The following TENM3 variants were observed in gnomAD, a reference collection of about 807,000 sequenced individuals.
TENM3 encodes teneurin transmembrane protein 3.
A neutral mutation model predicts 255.1 loss-of-function variants in TENM3; 63 were observed. That is an observed-to-expected ratio of 0.25 (90% CI 0.20 to 0.30). The LOEUF is 0.30. Ranked by LOEUF, TENM3 falls within the 10% of genes least tolerant of loss-of-function variation. The pLI is 1.00. For missense variants in TENM3, 2,929 were observed against 3,461.1 expected (o/e 0.85, Z 3.86); for synonymous variants, 1,306 against 1,322.3 (o/e 0.99, Z 0.27).
chr4:182,495,183 C>T (rs769696353), intron 3 of TENM3, among the ~76,000 whole-genome samples: 1 of 152,138 alleles, frequency 6.6e-6, no homozygotes, highest in Non-Finnish European at 1.5e-5. Flanking sequence ...TGATGATACC[C>T]CTTAAGTGCT....
At chr4:181,673,640 G>A in the TENM3 span, among the ~76,000 whole-genome samples, 1 of 152,150 alleles carries the variant, frequency 6.6e-6, no homozygotes, top group Non-Finnish European at 1.5e-5. Context: ...GTGTTTGAAA[G>A]CAGCTTACCA....
At chr4:181,637,370 T>C in the TENM3 span, among the ~76,000 whole-genome samples, 2 of 152,130 alleles carry the variant, frequency 1.3e-5, no homozygotes, top group African/African-American at 2.4e-5. Context: ...GGCTGTGGAG[T>C]CCAGTGTGTT....
chr4:182,291,828 A>G (rs536912075), intron 1 of TENM3, among the ~76,000 whole-genome samples: 26 of 152,052 alleles, frequency 1.7e-4, no homozygotes, highest in Admixed American at 3.9e-4. Flanking sequence ...TCGCGTTCCC[A>G]TGGCATATTG....
intron 1 of TENM3, among the ~76,000 whole-genome samples, chr4:182,172,332 GA>G (rs1393971243): frequency 6.6e-6 from 1 of 152,124 alleles, no homozygotes; most frequent in Non-Finnish European, 1.5e-5. Context: ...AGTGAGATAA[GA>G]CACGTCCATT....
chr4:182,585,061 A>G (rs1745882399), intron 3 of TENM3, among the ~76,000 whole-genome samples: 1 of 152,246 alleles, frequency 6.6e-6, no homozygotes, highest in South Asian at 2.1e-4. Context: ...TAAAAGAAAT[A>G]CGGCAAAAAC....
chr4:181,967,678 T>A, the TENM3 span, among the ~76,000 whole-genome samples: 6 of 152,062 alleles, frequency 3.9e-5, no homozygotes, highest in Non-Finnish European at 8.8e-5. Flanking sequence ...AGGGCCATTT[T>A]CAAATCTCTA....
chr4:182,550,425 A>G (rs748677945), intron 3 of TENM3, among the ~76,000 whole-genome samples: 8 of 152,186 alleles, frequency 5.3e-5, no homozygotes, highest in Non-Finnish European at 8.8e-5. Context: ...CAGATCCTGA[A>G]GTCACTCCTG....
At chr4:182,502,203 A>G (rs1295982137) in intron 3 of TENM3, among the ~76,000 whole-genome samples, 1 of 151,850 alleles carries the variant, frequency 6.6e-6, no homozygotes, top group African/African-American at 2.4e-5. Flanking sequence ...AAACCCTACC[A>G]CCCTGCACCT....
the TENM3 span, among the ~76,000 whole-genome samples, chr4:181,656,348 A>G: frequency 7.2e-5 from 11 of 152,334 alleles, no homozygotes; most frequent in Admixed American, 2.6e-4. Context: ...TGAAATAACT[A>G]CATAGATTTA....
intron 1 of TENM3, among the ~76,000 whole-genome samples, chr4:182,300,655 G>T (rs1436583238): frequency 6.6e-6 from 1 of 152,152 alleles, no homozygotes; most frequent in Non-Finnish European, 1.5e-5. Flanking sequence ...AATGAGACTT[G>T]ATATTTTACC....
the TENM3 span, among the ~76,000 whole-genome samples, chr4:181,452,726 G>T: frequency 1.3e-5 from 2 of 152,150 alleles, no homozygotes; most frequent in African/African-American, 4.8e-5. Flanking sequence ...AGGAAATGCC[G>T]AGATGAGATC....
At chr4:182,436,531 T>C (rs1772060482) in intron 3 of TENM3, among the ~76,000 whole-genome samples, 2 of 152,230 alleles carry the variant, frequency 1.3e-5, no homozygotes, top group Admixed American at 1.3e-4. Flanking sequence ...TGGAACGCCT[T>C]ATTTCAAGTT....
At chr4:181,494,081 G>C in the TENM3 span, among the ~76,000 whole-genome samples, 1 of 152,244 alleles carries the variant, frequency 6.6e-6, no homozygotes, top group Non-Finnish European at 1.5e-5. Context: ...TGAGGATACT[G>C]AGGCACAGAG....
chr4:181,477,808 A>T, the TENM3 span, among the ~76,000 whole-genome samples: 31 of 152,288 alleles, frequency 2.0e-4, no homozygotes, highest in South Asian at 6.0e-3. Context: ...TTACTCATAC[A>T]TATTTATACA....
At chr4:181,675,050 A>G in the TENM3 span, among the ~76,000 whole-genome samples, 1 of 152,124 alleles carries the variant, frequency 6.6e-6, no homozygotes, top group African/African-American at 2.4e-5. Context: ...TAATTTTTAA[A>G]TCCTTCTCAG....
chr4:182,513,725 C>G (rs918564322), intron 3 of TENM3, among the ~76,000 whole-genome samples: 1 of 152,174 alleles, frequency 6.6e-6, no homozygotes, highest in Admixed American at 6.5e-5. Flanking sequence ...CCTGGAGGGA[C>G]TGCCCCTCCT....
intron 3 of TENM3, among the ~76,000 whole-genome samples, chr4:182,527,414 C>T (rs776581237): frequency 1.1e-4 from 16 of 150,818 alleles, no homozygotes; most frequent in Non-Finnish European, 1.9e-4. Context: ...AGGAAAGGCT[C>T]GTGATTGTGT....
chr4:181,984,128 C>G, the TENM3 span, among the ~76,000 whole-genome samples: 2 of 152,016 alleles, frequency 1.3e-5, no homozygotes, highest in Non-Finnish European at 2.9e-5. Flanking sequence ...CCTGGAGTCT[C>G]TTTAATCCTC....
intron 2 of TENM3, among the ~76,000 whole-genome samples, chr4:182,341,392 C>G (rs938956605): frequency 6.6e-6 from 1 of 152,156 alleles, no homozygotes; most frequent in Non-Finnish European, 1.5e-5. Context: ...TCAGATTCAA[C>G]TTATATAACC....
Sources: gnomAD v4.1 joint callset for allele counts (sites outside exome capture counted in the v4.1 genomes callset) on GRCh38, gnomAD v4.1.1 for gene constraint, MANE v1.5 for transcripts, NCBI Gene and HGNC (gene_info 2026-07-23, HGNC 2026-07-21) for gene names.